NIBAN1: variants seen among roughly 807,000 people sequenced by gnomAD.
NIBAN1 encodes niban apoptosis regulator 1.
In NIBAN1, 81 loss-of-function variants were observed where a neutral mutation model predicts 75.1. The observed-to-expected ratio is 1.08, with a 90% CI of 0.90 to 1.30. NIBAN1 has a LOEUF of 1.30. Among genes scored for constraint, NIBAN1 ranks in the 50% most tolerant of loss-of-function variants. The pLI, the probability that NIBAN1 is intolerant of heterozygous loss-of-function variation, is 0.00. For missense variants in NIBAN1, 1,133 were observed against 1,128.1 expected, an observed-to-expected ratio of 1.00 and a Z score of -0.06; for synonymous variants, 436 against 424.8, an observed-to-expected ratio of 1.03 and a Z score of -0.32.
chr1:184,943,706 C>T (rs1264760158), intron 1 of NIBAN1, among the ~76,000 whole-genome samples: 1 of 151,786 alleles, frequency 6.6e-6, no homozygotes, highest in African/African-American at 2.4e-5. Context: ...CAAAGAGAAG[C>T]AAATAATAAT....
intron 1 of NIBAN1, among the ~76,000 whole-genome samples, chr1:184,936,866 C>T (rs1657974690): frequency 6.6e-6 from 1 of 152,134 alleles, no homozygotes; most frequent in South Asian, 2.1e-4. Context: ...TAGGACCTGA[C>T]ATCTTTGGGG....
chr1:184,966,711 G>A (rs1658793481), intron 1 of NIBAN1, among the ~76,000 whole-genome samples: 1 of 152,114 alleles, frequency 6.6e-6, no homozygotes, highest in African/African-American at 2.4e-5. Context: ...GATTCACTAA[G>A]CTATGCATTT....
At chr1:184,938,293 G>C (rs1658010172) in intron 1 of NIBAN1, among the ~76,000 whole-genome samples, 2 of 152,128 alleles carry the variant, frequency 1.3e-5, no homozygotes. Flanking sequence ...GAATATCAAA[G>C]ACATTTTGGA....
rs117275486 is a variant in NIBAN1, at chr1:184,804,460, C to T, written c.1447-768G>A. 4.8e-3 allele frequency among the ~76,000 whole-genome samples: 737 copies of T among 152,266 alleles called. 8 individuals are homozygous for T. In the East Asian group the frequency reaches 0.056, roughly 12 times the overall value. ...ACCAGTGGTGAGAACTTTGGCCTAA[C>T]ATGAGAAAGCATGTTCTTGCTGTCA... On this transcript the variant is annotated intron_variant, in intron 11 of 13. Coordinates refer to ENST00000367511, the MANE Select transcript of NIBAN1 (RefSeq NM_052966.4).
chr1:184,806,879 G>A (rs512642), intron 10 of NIBAN1, among the ~76,000 whole-genome samples: 24,160 of 149,754 alleles, frequency 0.16, 2,500 homozygotes, highest in East Asian at 0.36. Flanking sequence ...AGCGAGTCTC[G>A]TGCTTCAGCC....
At chr1:184,877,595 C>G (rs1358090067) in intron 5 of NIBAN1, among the ~76,000 whole-genome samples, 1 of 151,990 alleles carries the variant, frequency 6.6e-6, no homozygotes, top group Admixed American at 6.6e-5. Context: ...GCTCACTGTT[C>G]AATAACAACA....
rs117898811 is a variant in NIBAN1, at chr1:184,842,423, C to T, written c.602-10461G>A. On this transcript the variant is annotated intron_variant, in intron 5 of 13. Coordinates refer to ENST00000367511, the MANE Select transcript of NIBAN1 (RefSeq NM_052966.4). ...GGAACACACTTTGAGAACCACTCCT[C>T]TACCCAGCATTAGGAGAGTGGTTCT... 3.3e-3 allele frequency among the ~76,000 whole-genome samples: 505 copies of T among 152,308 alleles called. 8 individuals carry two copies. The East Asian group carries it at 0.039, about 12-fold the overall frequency.
chr1:184,939,497 C>T (rs546424165), intron 1 of NIBAN1, among the ~76,000 whole-genome samples: 1 of 152,182 alleles, frequency 6.6e-6, no homozygotes, highest in Non-Finnish European at 1.5e-5. Context: ...CTTTGAGAAG[C>T]CTTCTCTTTT....
chr1:184,881,166 C>T (rs554326910), intron 5 of NIBAN1, among the ~76,000 whole-genome samples: 3 of 152,188 alleles, frequency 2.0e-5, no homozygotes, highest in East Asian at 1.9e-4. Context: ...ATCTTTGAGG[C>T]TCCTAAAGGC....
chr1:184,905,833 TA>T (rs1657086833), intron 1 of NIBAN1, among the ~76,000 whole-genome samples: 1 of 152,198 alleles, frequency 6.6e-6, no homozygotes, highest in African/African-American at 2.4e-5. Flanking sequence ...AATGGCTGAG[TA>T]AATATTCAAG....
At chr1:184,923,190 A>C (rs1286484333) in intron 1 of NIBAN1, among the ~76,000 whole-genome samples, 1 of 152,142 alleles carries the variant, frequency 6.6e-6, no homozygotes, top group Admixed American at 6.5e-5. Context: ...GTAGTTTCAT[A>C]CTTTGACATC....
At chr1:184,857,126 A>T (rs1021248658) in intron 5 of NIBAN1, among the ~76,000 whole-genome samples, 1 of 152,238 alleles carries the variant, frequency 6.6e-6, no homozygotes, top group African/African-American at 2.4e-5. Context: ...CAGACATAAA[A>T]CTATGTGGTT....
At chr1:184,853,078 G>T (rs1484298693) in intron 5 of NIBAN1, among the ~76,000 whole-genome samples, 1 of 152,120 alleles carries the variant, frequency 6.6e-6, no homozygotes, top group Non-Finnish European at 1.5e-5. Flanking sequence ...TCAATGAAAA[G>T]ATTATAGCAA....
intron 5 of NIBAN1, among the ~76,000 whole-genome samples, chr1:184,842,966 C>T (rs762445772): frequency 6.6e-6 from 1 of 152,110 alleles, no homozygotes; most frequent in Non-Finnish European, 1.5e-5. Flanking sequence ...GAATGCTTAG[C>T]GTCTTGATGA....
chr1:184,954,173 G>T (rs1658426939), intron 1 of NIBAN1, among the ~76,000 whole-genome samples: 1 of 152,142 alleles, frequency 6.6e-6, no homozygotes, highest in Non-Finnish European at 1.5e-5. Flanking sequence ...GTTGGATGGG[G>T]GAAACCTTGG....
At chr1:184,884,585 G>T in intron 5 of NIBAN1, 48 bp downstream of exon 5, 1 of 1,606,260 alleles carries the variant, frequency 6.2e-7, no homozygotes, top group Non-Finnish European at 8.5e-7. Context: ...ACTCAGCGAG[G>T]GCTGCCCCAC....
chr1:184,944,248 C>T (rs1157353036), intron 1 of NIBAN1, among the ~76,000 whole-genome samples: 1 of 152,188 alleles, frequency 6.6e-6, no homozygotes, highest in Non-Finnish European at 1.5e-5. Flanking sequence ...TTTCTGGTGA[C>T]TAGTTCTAGA....
intron 5 of NIBAN1, among the ~76,000 whole-genome samples, chr1:184,873,811 C>T (rs1013069553): frequency 6.6e-6 from 1 of 152,152 alleles, no homozygotes; most frequent in East Asian, 1.9e-4. Context: ...TGCTTTCCTC[C>T]TGTTAATCTG....
intron 1 of NIBAN1, among the ~76,000 whole-genome samples, chr1:184,906,363 G>T (rs752578422): frequency 8.6e-5 from 13 of 151,982 alleles, no homozygotes; most frequent in Non-Finnish European, 1.8e-4. Flanking sequence ...GGGCGCGGTG[G>T]CTCACACCTG....
Sources: gnomAD v4.1 joint callset for allele counts (sites outside exome capture counted in the v4.1 genomes callset) on GRCh38, gnomAD v4.1.1 for gene constraint, MANE v1.5 for transcripts, NCBI Gene and HGNC (gene_info 2026-07-23, HGNC 2026-07-21) for gene names.